The following RPL35 variants were observed in gnomAD, a reference collection of about 807,000 sequenced individuals.
RPL35 encodes large ribosomal subunit protein uL29.
A neutral mutation model predicts 15.6 loss-of-function variants in RPL35; 2 were observed. The ratio of observed to expected loss-of-function variants is 0.13; its 90% CI spans 0.05 to 0.40. The LOEUF (loss-of-function observed/expected upper bound fraction) is 0.40. RPL35 is among the 10% of genes least tolerant of loss of function. RPL35 has a pLI of 0.99. For missense variants in RPL35, 111 were observed against 164.7 expected, an observed-to-expected ratio of 0.67 and a Z score of 1.79; for synonymous variants, 93 against 67.9, an observed-to-expected ratio of 1.37 and a Z score of -1.82.
At chr9:124,859,736 C>T (rs1829166726) in intron 3 of RPL35, among the ~76,000 whole-genome samples, 1 of 152,214 alleles carries the variant, frequency 6.6e-6, no homozygotes, top group Non-Finnish European at 1.5e-5. Flanking sequence ...AAAGCCGACC[C>T]TCCCCAAGGT....
rs145300426 is a variant in RPL35 at position 124,859,458 on chromosome 9, C to A, written c.222+725G>T. On this transcript the variant is annotated intron_variant, in intron 3 of 3. Transcript: ENST00000348462. ...ATCCCAGAAGGCCCGATCCAATCAG[C>A]TGTAAGTCTTAAGCACAGGGCTGAG... Among the ~76,000 whole-genome samples, 261 of 152,322 alleles carry A rather than the reference C, an allele frequency of 1.7e-3. 1 individual carries two copies. The highest frequency in any genetic ancestry group is 6.0e-3 in the African/African-American group (248 of 41,564).
chr9:124,861,758 G>A (rs2131326612), intron 1 of RPL35, 152 bp downstream of exon 1: 1 of 1,342,476 alleles, frequency 7.4e-7, no homozygotes, highest in Non-Finnish European at 1.0e-6. Flanking sequence ...CCGGCGCCAA[G>A]CGAAGAGGCG....
In RPL35 at chr9:124,857,945, C is replaced by T. The variant is rs62636630; in HGVS notation, c.345G>A (p.Pro115=). 1,232 of 1,612,224 alleles carry T rather than the reference C, an allele frequency of 7.6e-4. 2 individuals are homozygous for T. The highest frequency in any genetic ancestry group is 1.7e-3 in the Admixed American group (101 of 60,028). The change falls in exon 4 of 4, where the codon CCG becomes CCA. Residue 115 remains proline (P), a synonymous_variant. Transcript: ENST00000348462. The part of the protein sequence containing the change: ...KKQQRKERLY[P]LRKYAVKA ...AGGCCTTGACCGCGTACTTCCGCAG[C>T]GGGTACAGCCGCTCCTTCCGCTGCT... is the stretch of plus-strand genomic sequence containing the variant.
rs780437080 is a variant in RPL35, at chr9:124,861,931, C to A, written c.-19G>T. On this transcript the variant is annotated 5_prime_UTR_variant, in exon 1 of 4. Transcript: ENST00000348462. The stretch of plus-strand genomic sequence containing the variant: ...TCACCATTGCTGCACAAGCCGCCAA[C>A]GCCGCCGCCCGCTCCGAGGGAAAGA... 1.9e-6 allele frequency: 3 copies of A among 1,598,824 alleles called. No individual in the cohort carries two copies. Among genetic ancestry groups the A allele is most frequent in the Non-Finnish European group, 2.6e-6 (3 of 1,173,642 alleles).
In RPL35 at chr9:124,861,940, C is replaced by A. The variant is rs959999807; in HGVS notation, c.-28G>T. The A allele has an allele frequency of 1.1e-5, 17 of 1,598,308 alleles. No homozygotes were observed. The highest frequency in any genetic ancestry group is 1.7e-4 in the Middle Eastern group (1 of 5,974). The stretch of plus-strand genomic sequence containing the variant: ...CTGCACAAGCCGCCAACGCCGCCGC[C>A]CGCTCCGAGGGAAAGAGGAAGTAGG... On this transcript the variant is annotated 5_prime_UTR_variant, in exon 1 of 4. Transcript: ENST00000348462.
intron 3 of RPL35, among the ~76,000 whole-genome samples, chr9:124,859,308 G>A (rs904211597): frequency 2.0e-5 from 3 of 152,226 alleles, no homozygotes; most frequent in African/African-American, 7.2e-5. Context: ...ATCAGCCATG[G>A]CTGCTTTTCC....
At chr9:124,861,118 A>C in intron 2 of RPL35, 1 of 368,674 alleles carries the variant, frequency 2.7e-6, no homozygotes, top group Non-Finnish European at 5.0e-6. Flanking sequence ...CCAGGGTGCA[A>C]GCCACCCACC....
intron 3 of RPL35, among the ~76,000 whole-genome samples, chr9:124,858,836 G>A (rs966826812): frequency 6.6e-6 from 1 of 152,220 alleles, no homozygotes; most frequent in African/African-American, 2.4e-5. Flanking sequence ...AGCCTAGTGG[G>A]GGAAGACTGA....
At chr9:124,859,052 C>G (rs1588036540) in intron 3 of RPL35, among the ~76,000 whole-genome samples, 1 of 152,342 alleles carries the variant, frequency 6.6e-6, no homozygotes, top group South Asian at 2.1e-4. Flanking sequence ...TTGGCTAACC[C>G]CCTAGAGTTC....
chr9:124,859,135 TGC>T (rs1212784914), intron 3 of RPL35, among the ~76,000 whole-genome samples: 1 of 152,244 alleles, frequency 6.6e-6, no homozygotes, highest in Non-Finnish European at 1.5e-5. Flanking sequence ...GCCACACACG[TGC>T]TAGTGTCCCC....
chr9:124,860,061 T>C (rs1485183651), intron 3 of RPL35, 122 bp downstream of exon 3: 9 of 728,314 alleles, frequency 1.2e-5, no homozygotes, highest in South Asian at 7.6e-5. Context: ...CAGCAACAAA[T>C]TGGGAAGGCT....
intron 1 of RPL35, 177 bp downstream of exon 1, chr9:124,861,733 G>A: frequency 1.5e-6 from 2 of 1,316,808 alleles, no homozygotes; most frequent in South Asian, 1.4e-5. Context: ...CCCAGGCCCG[G>A]GCCGCGCGCC....
chr9:124,861,306 C>G (rs1048249398), intron 2 of RPL35, 113 bp downstream of exon 2: 42 of 1,338,870 alleles, frequency 3.1e-5, no homozygotes, highest in Non-Finnish European at 2.1e-6. Context: ...CCAGGATGCA[C>G]GGAGTGGGCA....
Position 124,857,904 on chromosome 9 carries a change from T to C in RPL35, c.*14A>G. The C allele has an allele frequency of 6.2e-7, 1 of 1,611,334 alleles. No homozygotes were observed. Among genetic ancestry groups the C allele is most frequent in the Non-Finnish European group, 8.5e-7 (1 of 1,179,308 alleles). On this transcript the variant is annotated 3_prime_UTR_variant, in exon 4 of 4. Transcript: ENST00000348462. Reference sequence around the variant, plus strand: ...GCAGTCTCAGCCAGCTGTGCTTTATTGACAATGCGCCCCTCAGGCCTTGAC... The same window carrying C: ...GCAGTCTCAGCCAGCTGTGCTTTATCGACAATGCGCCCCTCAGGCCTTGAC...
At chr9:124,858,164 G>T in intron 3 of RPL35, 97 bp from the exon 4 acceptor site, 1 of 1,281,916 alleles carries the variant, frequency 7.8e-7, no homozygotes. Context: ...AGCCACTCAG[G>T]AGGAGGCTGC....
chr9:124,859,320 TTG>T (rs534772214), intron 3 of RPL35, among the ~76,000 whole-genome samples: 13 of 152,342 alleles, frequency 8.5e-5, no homozygotes, highest in Middle Eastern at 3.4e-3. Flanking sequence ...TGCTTTTCCC[TTG>T]TGTCAAATCT....
In RPL35 at chr9:124,861,433, G is replaced by A; in HGVS notation, c.126C>T (p.Ser42=). 6.2e-7 allele frequency: 1 copy of A among 1,613,276 alleles called. No individual in the cohort carries two copies. Among genetic ancestry groups the A allele is most frequent in the South Asian group, 1.1e-5 (1 of 91,002 alleles). ...RVAKVTGGAA[S]KLSKIRVVRK... is the part of the protein sequence containing the mutation. ...GCCTCACTTACATCTTAGAGAGCTT[G>A]GAGGCCGCACCGCCTGTCACTTTGG... The change falls in exon 2 of 4, where the codon TCC becomes TCT. Residue 42 remains serine (S), a synonymous_variant. Coordinates refer to ENST00000348462, the MANE Select transcript of RPL35 (RefSeq NM_007209.4).
chr9:124,860,770 GTGTGCAAC>G (rs910744582), intron 2 of RPL35, among the ~76,000 whole-genome samples: 3 of 152,152 alleles, frequency 2.0e-5, no homozygotes, highest in Non-Finnish European at 4.4e-5. Context: ...TGAGGATTCA[GTGTGCAAC>G]TGTGCTTGTC....
Position 124,858,025 on chromosome 9 carries a change from G to A in RPL35, c.265C>T (p.Arg89Cys), listed in dbSNP as rs1261257151. The change falls in exon 4 of 4, where the codon CGT (arginine) becomes TGT (cysteine). Residue 89 changes from arginine (R) to cysteine (C), a missense_variant. Coordinates refer to ENST00000348462, the MANE Select transcript of RPL35 (RefSeq NM_007209.4). ...TTGTTGAGCCGGCGGCGCATGGCAC[G>A]TGTCTTCTTAGGCCGCAGGTCCAGG... ...KPLDLRPKKT[R>C]AMRRRLNKHE... The A allele has an allele frequency of 1.9e-6, 3 of 1,612,450 alleles. No homozygotes were observed. The highest frequency in any genetic ancestry group is 1.3e-5 in the African/African-American group (1 of 74,992).
Sources: allele counts gnomAD v4.1 joint callset (sites outside exome capture counted in the v4.1 genomes callset), GRCh38; gene constraint gnomAD v4.1.1; transcripts MANE v1.5; gene names NCBI Gene and HGNC (gene_info 2026-07-23, HGNC 2026-07-21).